The following PTPN14 variants were observed in gnomAD, a reference collection of about 807,000 sequenced individuals.
PTPN14 encodes the protein tyrosine-protein phosphatase non-receptor type 14.
A neutral mutation model predicts 126.8 loss-of-function variants in PTPN14; 53 were observed. The observed-to-expected ratio is 0.42, with a 90% CI of 0.34 to 0.53. PTPN14 has a LOEUF of 0.53. Ranked by LOEUF, PTPN14 falls within the 20% of genes least tolerant of loss-of-function variation. The probability of loss-of-function intolerance (pLI) is 0.08; values close to 1 mark genes in which losing one functional copy is unlikely to be tolerated. For missense variants in PTPN14, 1,257 were observed against 1,552.9 expected, an observed-to-expected ratio of 0.81 and a Z score of 3.20; for synonymous variants, 630 against 599.3, an observed-to-expected ratio of 1.05 and a Z score of -0.75.
intron 1 of PTPN14, among the ~76,000 whole-genome samples, chr1:214,539,603 AT>A (rs1210949039): frequency 6.6e-6 from 1 of 152,168 alleles, no homozygotes; most frequent in Non-Finnish European, 1.5e-5. Context: ...CTCCAAACTA[AT>A]TTATTCCAAA....
At chr1:214,471,467 A>G (rs544426621) in intron 1 of PTPN14, among the ~76,000 whole-genome samples, 2 of 152,356 alleles carry the variant, frequency 1.3e-5, no homozygotes, top group Admixed American at 6.5e-5. Context: ...ATGAGAAAAC[A>G]GTGCTAGTGA....
intron 1 of PTPN14, among the ~76,000 whole-genome samples, chr1:214,537,444 G>C (rs1655735848): frequency 2.6e-5 from 4 of 152,184 alleles, no homozygotes; most frequent in Admixed American, 2.6e-4. Context: ...TAGTAAACCA[G>C]TATTTATTTA....
In PTPN14 at chr1:214,386,906, T is replaced by G; in HGVS notation, c.1004A>C (p.Tyr335Ser). 1 of 1,605,968 alleles carries G rather than the reference T, an allele frequency of 6.2e-7. No individual in the cohort carries two copies. Among genetic ancestry groups the G allele is most frequent in the Non-Finnish European group, 8.5e-7 (1 of 1,173,084 alleles). ...SRSSLPRQQP[Y>S]ILPPVHVQCG... ...CTGGACGTGAACGGGAGGCAGGATG[T>G]ACGGCTGCTGCCTGGGCTGAAACAG... The change falls in exon 12 of 19, where the codon TAC becomes TCC. Residue 335 changes from tyrosine (Y) to serine (S), a missense_variant. Coordinates refer to ENST00000366956, the MANE Select transcript of PTPN14 (RefSeq NM_005401.5).
In PTPN14 at chr1:214,351,498, A is replaced by G. The variant is rs1031560308; in HGVS notation, c.*6424T>C. 1 of 152,246 alleles carries G rather than the reference A, an allele frequency of 6.6e-6. No individual in the cohort carries two copies. The highest frequency in any genetic ancestry group is 1.9e-4 in the East Asian group (1 of 5,198). 9.4% of individuals were successfully genotyped at this position (152,246 alleles called of 1,614,324 possible). On this transcript the variant is annotated 3_prime_UTR_variant, in exon 19 of 19. Transcript: ENST00000366956. Reference sequence around the variant, plus strand: ...TGCTCTAAAGGGGAATGTCCTCTGCAGCACCTCTGAGATCACAGGGGAGAA... The same window carrying G: ...TGCTCTAAAGGGGAATGTCCTCTGCGGCACCTCTGAGATCACAGGGGAGAA...
In PTPN14 at chr1:214,383,300, A is replaced by C. The variant is rs1186066622; in HGVS notation, c.2544+11T>G. Reference sequence around the variant, plus strand: ...ACACTGGAAAATGCCCTGGGAGAGGAGGACACTCACCCTGATCATCATCTC... The same window carrying C: ...ACACTGGAAAATGCCCTGGGAGAGGCGGACACTCACCCTGATCATCATCTC... On this transcript the variant is annotated intron_variant, in intron 13 of 18. Transcript: ENST00000366956. The surrounding 1 kb of genome is among the most constrained non-coding windows in gnomAD (Gnocchi z 4.4). The C allele has an allele frequency of 1.2e-6, 2 of 1,600,610 alleles. No homozygotes were observed. Among genetic ancestry groups the C allele is most frequent in the South Asian group, 2.2e-5 (2 of 90,386 alleles).
At chr1:214,506,510 GT>G (rs1654847261) in intron 1 of PTPN14, among the ~76,000 whole-genome samples, 1 of 141,662 alleles carries the variant, frequency 7.1e-6, no homozygotes. Context: ...GAGATCCTGT[GT>G]CTAAAAGAAG....
chr1:214,371,945 A>G (rs1189657557), intron 16 of PTPN14, among the ~76,000 whole-genome samples: 1 of 152,238 alleles, frequency 6.6e-6, no homozygotes, highest in Non-Finnish European at 1.5e-5. Flanking sequence ...TACCATGGAT[A>G]TTGGTAAACA....
At chr1:214,541,202 C>A (rs1571659072) in intron 1 of PTPN14, among the ~76,000 whole-genome samples, 1 of 152,036 alleles carries the variant, frequency 6.6e-6, no homozygotes, top group African/African-American at 2.4e-5. Context: ...ACATAAAAAT[C>A]ATATACACAT....
At chr1:214,458,062 G>C (rs1484372704) in intron 2 of PTPN14, among the ~76,000 whole-genome samples, 1 of 151,968 alleles carries the variant, frequency 6.6e-6, no homozygotes, top group African/African-American at 2.4e-5. Context: ...GAGATAGAGA[G>C]AGAGAGACAG....
At chr1:214,398,847 C>T (rs951649638) in intron 7 of PTPN14, among the ~76,000 whole-genome samples, 2 of 151,638 alleles carry the variant, frequency 1.3e-5, no homozygotes, top group African/African-American at 4.9e-5. Flanking sequence ...CTAACTGCAA[C>T]CTCCACCTCC....
chr1:214,444,184 T>C (rs1207731387), intron 3 of PTPN14, among the ~76,000 whole-genome samples: 1 of 152,254 alleles, frequency 6.6e-6, no homozygotes, highest in Non-Finnish European at 1.5e-5. Context: ...AGCCATCTTC[T>C]CTCATCACAT....
intron 3 of PTPN14, among the ~76,000 whole-genome samples, chr1:214,440,388 A>G (rs1053321696): frequency 6.6e-6 from 1 of 152,224 alleles, no homozygotes; most frequent in African/African-American, 2.4e-5. Flanking sequence ...GGCCTATAAG[A>G]CGCTTGGTAC....
At chr1:214,439,463 C>T (rs1442142745) in intron 3 of PTPN14, among the ~76,000 whole-genome samples, 6 of 152,186 alleles carry the variant, frequency 3.9e-5, no homozygotes, top group Non-Finnish European at 8.8e-5. Context: ...GTGTCTAACT[C>T]GCATTTCAGT....
At chr1:214,374,736 G>A (rs1658301189) in intron 15 of PTPN14, among the ~76,000 whole-genome samples, 1 of 152,230 alleles carries the variant, frequency 6.6e-6, no homozygotes, top group Non-Finnish European at 1.5e-5. Flanking sequence ...AGGATGAAAT[G>A]TGGGCCACAG....
intron 1 of PTPN14, among the ~76,000 whole-genome samples, chr1:214,494,252 G>T (rs983542086): frequency 1.3e-5 from 2 of 152,072 alleles, no homozygotes; most frequent in African/African-American, 2.4e-5. Context: ...TAGAGACAGG[G>T]TTTCACCATG....
Position 214,532,275 on chromosome 1 carries a change from G to A in PTPN14, c.-155+18908C>T, listed in dbSNP as rs117902763. 1.7e-3 allele frequency: 776 copies of A among 449,998 alleles called. 12 individuals are homozygous for A. In the East Asian group the frequency reaches 0.028, roughly 16 times the overall value. The allele number at this position is 449,998 out of a possible 1,614,324, so 27.9% of individuals were successfully genotyped here. Reference sequence around the variant, plus strand: ...TCCAGCCGCCCAGCTGGTCAACAGCGTGGCCAGAGCCTATGCACGTGCCAG... The same window carrying A: ...TCCAGCCGCCCAGCTGGTCAACAGCATGGCCAGAGCCTATGCACGTGCCAG... On this transcript the variant is annotated intron_variant, in intron 1 of 18. Transcript: ENST00000366956.
intron 3 of PTPN14, among the ~76,000 whole-genome samples, chr1:214,438,847 A>G (rs1452386225): frequency 6.6e-6 from 1 of 152,230 alleles, no homozygotes; most frequent in Non-Finnish European, 1.5e-5. Context: ...TTCATTTAAA[A>G]AAAACAAATA....
At chr1:214,440,818 C>T (rs943984636) in intron 3 of PTPN14, among the ~76,000 whole-genome samples, 3 of 152,214 alleles carry the variant, frequency 2.0e-5, no homozygotes, top group African/African-American at 7.2e-5. Context: ...TGACTATTAA[C>T]TCCCTAGGGA....
At chr1:214,452,586 G>C (rs539443596) in intron 2 of PTPN14, among the ~76,000 whole-genome samples, 1 of 152,130 alleles carries the variant, frequency 6.6e-6, no homozygotes, top group Non-Finnish European at 1.5e-5. Context: ...AGGAAGGATC[G>C]CCTCCTCACA....
Sources: gnomAD v4.1 joint callset for allele counts (sites outside exome capture counted in the v4.1 genomes callset) on GRCh38, gnomAD v4.1.1 for gene constraint, Gnocchi (gnomAD v3.1) non-coding constraint, MANE v1.5 for transcripts, NCBI Gene and HGNC (gene_info 2026-07-23, HGNC 2026-07-21) for gene names.